PRLR: variants seen among roughly 807,000 people sequenced by gnomAD.
PRLR encodes the protein hPRL receptor.
Under a neutral mutation model 40.2 loss-of-function variants are expected in PRLR, and 13 were observed. The ratio of observed to expected loss-of-function variants is 0.32; its 90% CI spans 0.21 to 0.51. The LOEUF (loss-of-function observed/expected upper bound fraction) is 0.51. Ranked by LOEUF, PRLR falls within the 20% of genes least tolerant of loss-of-function variation. The probability of loss-of-function intolerance (pLI) is 0.97; values close to 1 mark genes in which losing one functional copy is unlikely to be tolerated. For synonymous variants in PRLR, 269 were observed against 278.7 expected (o/e 0.97, Z 0.35); for missense variants, 656 against 747.3 (o/e 0.88, Z 1.42).
At chr5:35,163,276 C>T (rs541948110) in intron 1 of PRLR, among the ~76,000 whole-genome samples, 22 of 152,242 alleles carry the variant, frequency 1.4e-4, no homozygotes, top group Admixed American at 1.4e-3. Flanking sequence ...CATGGCCGTG[C>T]GACAAGGACC....
At chr5:35,109,549 T>G (rs577071707) in intron 2 of PRLR, among the ~76,000 whole-genome samples, 7 of 152,008 alleles carry the variant, frequency 4.6e-5, no homozygotes, top group Non-Finnish European at 8.8e-5. Context: ...ATCAAAAAGT[T>G]GGTGAAGGAT....
At chr5:35,093,106 C>T (rs1325955278) in intron 2 of PRLR, among the ~76,000 whole-genome samples, 2 of 152,126 alleles carry the variant, frequency 1.3e-5, no homozygotes, top group African/African-American at 4.8e-5. Flanking sequence ...GTCTCTTCCA[C>T]GTAGGCCAAC....
Position 35,084,452 on chromosome 5 carries a change from C to T in PRLR, c.373+18G>A. 6.5e-7 allele frequency: 1 copy of T among 1,538,180 alleles called. No individual in the cohort carries two copies. The highest frequency in any genetic ancestry group is 2.4e-5 in the East Asian group (1 of 41,142). On this transcript the variant is annotated intron_variant, in intron 5 of 9. Coordinates refer to ENST00000618457, the MANE Select transcript of PRLR (RefSeq NM_000949.7). ...ATAGTGGAGTAAGAAATTCCTCACCCACTTTCCTTCCCCTTACCTATGTAA... is the reference window on the plus strand; with the variant it reads ...ATAGTGGAGTAAGAAATTCCTCACCTACTTTCCTTCCCCTTACCTATGTAA...
intron 9 of PRLR, among the ~76,000 whole-genome samples, chr5:35,066,628 A>G (rs1384933041): frequency 7.0e-6 from 1 of 142,030 alleles, no homozygotes. Flanking sequence ...CTTCTACTCT[A>G]CTTCCTCTCC....
intron 1 of PRLR, among the ~76,000 whole-genome samples, chr5:35,151,480 G>A (rs1315162681): frequency 2.0e-5 from 3 of 152,136 alleles, no homozygotes; most frequent in Non-Finnish European, 2.9e-5. Context: ...TACAACTTCT[G>A]TGTGAATTTG....
At chr5:35,099,774 C>CA (rs1328332686) in intron 2 of PRLR, among the ~76,000 whole-genome samples, 6 of 151,596 alleles carry the variant, frequency 4.0e-5, no homozygotes, top group African/African-American at 1.2e-4. Context: ...AAAAGTAAAA[C>CA]AAAAAAACTT....
intron 1 of PRLR, among the ~76,000 whole-genome samples, chr5:35,165,553 C>G (rs1774799207): frequency 6.6e-6 from 1 of 152,190 alleles, no homozygotes; most frequent in Admixed American, 6.5e-5. Flanking sequence ...TGGTTCTGTT[C>G]AAGCCAATTT....
At chr5:35,179,258 A>C (rs11952661) in intron 1 of PRLR, among the ~76,000 whole-genome samples, 1 of 152,048 alleles carries the variant, frequency 6.6e-6, no homozygotes, top group East Asian at 1.9e-4. Context: ...CTGGGCAAAT[A>C]AAAGGATATA....
At chr5:35,124,454 C>T (rs369977965) in intron 1 of PRLR, among the ~76,000 whole-genome samples, 2 of 152,238 alleles carry the variant, frequency 1.3e-5, no homozygotes, top group South Asian at 2.1e-4. Flanking sequence ...AAGGGACTTT[C>T]AACTCCGAAA....
chr5:35,079,307 C>A (rs1468893438), intron 5 of PRLR, among the ~76,000 whole-genome samples: 1 of 152,144 alleles, frequency 6.6e-6, no homozygotes, highest in African/African-American at 2.4e-5. Flanking sequence ...GTTTAGAAAA[C>A]CCCATCATCT....
At chr5:35,075,262 AG>A (rs1770005448) in intron 5 of PRLR, among the ~76,000 whole-genome samples, 1 of 152,172 alleles carries the variant, frequency 6.6e-6, no homozygotes, top group Non-Finnish European at 1.5e-5. Flanking sequence ...GGGAAGTGCA[AG>A]GGGTCAGGGA....
chr5:35,207,420 T>C (rs1776050892), intron 1 of PRLR, among the ~76,000 whole-genome samples: 1 of 151,862 alleles, frequency 6.6e-6, no homozygotes, highest in South Asian at 2.1e-4. Flanking sequence ...GCTAAAATTA[T>C]AAAAGAAAAA....
At chr5:35,067,276 A>G (rs1321760796) in intron 9 of PRLR, among the ~76,000 whole-genome samples, 1 of 152,220 alleles carries the variant, frequency 6.6e-6, no homozygotes, top group East Asian at 1.9e-4. Flanking sequence ...TATTTTTGAG[A>G]CAAAAGTAGC....
rs1045977324 is a variant in PRLR, at chr5:35,070,480, C to G, written c.544-215G>C. On this transcript the variant is annotated intron_variant, in intron 6 of 9. Coordinates refer to ENST00000618457, the MANE Select transcript of PRLR (RefSeq NM_000949.7). ...TTCTATCTCTCCATTTGGGACTCTACTTCAGAAAAGTCAAATATTCTGCCT... is the reference window on the plus strand; with the variant it reads ...TTCTATCTCTCCATTTGGGACTCTAGTTCAGAAAAGTCAAATATTCTGCCT... 2.5e-4 allele frequency among the ~76,000 whole-genome samples: 38 copies of G among 152,184 alleles called. 1 individual carries two copies. The highest frequency in any genetic ancestry group is 7.0e-4 in the African/African-American group (29 of 41,444).
chr5:35,169,059 G>A (rs12518881), intron 1 of PRLR, among the ~76,000 whole-genome samples: 17,070 of 152,044 alleles, frequency 0.11, 1,080 homozygotes, highest in Non-Finnish European at 0.12. Flanking sequence ...ATGATTGGCC[G>A]TTTTCCCGCA....
chr5:35,188,649 T>G lies in PRLR; in HGVS notation c.-106+41619A>C, dbSNP rs145563343. The stretch of plus-strand genomic sequence containing the variant: ...CCTTGCACCTTTTAGCTAGGAGTAT[T>G]ATTCAAAATATTTACCTGGTATGGC... On this transcript the variant is annotated intron_variant, in intron 1 of 9. Transcript: ENST00000618457. 6.7e-3 allele frequency among the ~76,000 whole-genome samples: 1,027 copies of G among 152,344 alleles called. 15 individuals carry two copies. The highest frequency in any genetic ancestry group is 0.024 in the African/African-American group (984 of 41,576).
intron 5 of PRLR, among the ~76,000 whole-genome samples, chr5:35,073,145 A>G (rs58129107): frequency 0.1 from 15,716 of 152,212 alleles, 1,331 homozygotes; most frequent in African/African-American, 0.23. Context: ...TCAGCTGGGC[A>G]TGAGATTCTC....
chr5:35,150,412 C>T (rs143562616), intron 1 of PRLR, among the ~76,000 whole-genome samples: 1 of 152,194 alleles, frequency 6.6e-6, no homozygotes, highest in Non-Finnish European at 1.5e-5. Flanking sequence ...AAAATAAGAG[C>T]CTTCTGCCTA....
intron 1 of PRLR, among the ~76,000 whole-genome samples, chr5:35,190,402 C>G (rs1259344277): frequency 6.6e-6 from 1 of 152,044 alleles, no homozygotes; most frequent in Non-Finnish European, 1.5e-5. Flanking sequence ...GTCAGGAGTT[C>G]AAGACCAGCC....
Sources: gnomAD v4.1 joint callset for allele counts (sites outside exome capture counted in the v4.1 genomes callset) on GRCh38, gnomAD v4.1.1 for gene constraint, MANE v1.5 for transcripts, NCBI Gene and HGNC (gene_info 2026-07-23, HGNC 2026-07-21) for gene names.